The following PSD3 variants were observed in gnomAD, a reference collection of about 807,000 sequenced individuals.
The protein encoded by PSD3 is pleckstrin and Sec7 domain containing 3.
Under a neutral mutation model 105.5 loss-of-function variants are expected in PSD3, and 49 were observed. The ratio of observed to expected loss-of-function variants is 0.46; its 90% CI spans 0.37 to 0.59. PSD3 has a LOEUF of 0.59. Among genes scored for constraint, PSD3 ranks in the 20% least tolerant of loss-of-function variants. The pLI is 0.00. For synonymous variants in PSD3, 557 were observed against 457.8 expected (o/e 1.22, Z -2.77); for missense variants, 1,561 against 1,263.8 (o/e 1.24, Z -3.57).
Position 18,632,645 on chromosome 8 carries a change from C to T in PSD3, c.2378G>A (p.Arg793Gln), listed in dbSNP as rs775463347. Residue 793 changes from arginine to glutamine, a missense_variant, in exon 11 of 16, where the codon CGG becomes CAG. By Grantham distance (43) the Arg-to-Gln change is conservative (BLOSUM62 1). Coordinates refer to ENST00000327040, the MANE Select transcript of PSD3 (RefSeq NM_015310.4). ...TCCATCCATATCTGCATGAATTTTC[C>T]GAGCCAAGAATCCACTTTTGTACAC... ...AAVYKSGFLA[R>Q]KIHADMDGKK... 2.5e-6 allele frequency: 4 copies of T among 1,612,056 alleles called. No homozygotes were observed. Among genetic ancestry groups the T allele is most frequent in the Admixed American group, 1.7e-5 (1 of 59,746 alleles).
intron 4 of PSD3, among the ~76,000 whole-genome samples, chr8:18,817,627 C>G (rs924740126): frequency 2.0e-5 from 3 of 152,136 alleles, no homozygotes; most frequent in African/African-American, 7.2e-5. Context: ...GTAGAAGATG[C>G]CCAAAAGCAG....
At chr8:18,650,185 A>T (rs1158297317) in intron 10 of PSD3, among the ~76,000 whole-genome samples, 1 of 152,182 alleles carries the variant, frequency 6.6e-6, no homozygotes, top group Non-Finnish European at 1.5e-5. Flanking sequence ...ATTTGTGTTA[A>T]TCGTTGTATT....
At chr8:18,845,059 A>C (rs1423723135) in intron 4 of PSD3, among the ~76,000 whole-genome samples, 1 of 152,194 alleles carries the variant, frequency 6.6e-6, no homozygotes, top group African/African-American at 2.4e-5. Context: ...AAAGGGGATA[A>C]AATTTTAACT....
At chr8:19,058,408 T>C (rs930177048) in intron 1 of PSD3, among the ~76,000 whole-genome samples, 1 of 148,528 alleles carries the variant, frequency 6.7e-6, no homozygotes, top group Admixed American at 6.8e-5. Context: ...TATAATATAA[T>C]CTATAATGTA....
At chr8:18,708,274 G>C (rs572675741) in intron 9 of PSD3, among the ~76,000 whole-genome samples, 1 of 152,214 alleles carries the variant, frequency 6.6e-6, no homozygotes, top group Admixed American at 6.5e-5. Context: ...TTAGGGATGA[G>C]AGTAACAGTA....
chr8:18,870,441 T>A (rs763546125), intron 3 of PSD3, among the ~76,000 whole-genome samples: 1 of 151,850 alleles, frequency 6.6e-6, no homozygotes, highest in Non-Finnish European at 1.5e-5. Flanking sequence ...CAAGTTTCAA[T>A]CATAAAGGCC....
intron 9 of PSD3, among the ~76,000 whole-genome samples, chr8:18,729,718 G>A (rs1321643334): frequency 1.3e-5 from 2 of 152,100 alleles, no homozygotes. Flanking sequence ...CACTCTCTCT[G>A]GGCCATGAAT....
At chr8:18,912,464 A>C (rs1415156549) in intron 2 of PSD3, among the ~76,000 whole-genome samples, 1 of 152,216 alleles carries the variant, frequency 6.6e-6, no homozygotes, top group African/African-American at 2.4e-5. Flanking sequence ...TTTCTTTCTA[A>C]GCTTTCAGAA....
At chr8:19,065,909 C>G (rs1029913129) in intron 1 of PSD3, among the ~76,000 whole-genome samples, 4 of 152,118 alleles carry the variant, frequency 2.6e-5, no homozygotes, top group Non-Finnish European at 4.4e-5. Context: ...TTCTGGTGAC[C>G]GCCTCCAATC....
At chr8:18,563,428 G>A (rs560087888) in intron 14 of PSD3, among the ~76,000 whole-genome samples, 1 of 152,206 alleles carries the variant, frequency 6.6e-6, no homozygotes, top group South Asian at 2.1e-4. Context: ...GATTTTCAGG[G>A]TAATCATGTA....
At chr8:18,767,461 C>T (rs2129443929) in intron 8 of PSD3, among the ~76,000 whole-genome samples, 1 of 152,236 alleles carries the variant, frequency 6.6e-6, no homozygotes, top group Non-Finnish European at 1.5e-5. Context: ...TCGTAATATA[C>T]CTGTGACCGG....
At position 18,632,634 on chromosome 8, in the gene PSD3, C is replaced by T. The variant is rs1806982851; in HGVS notation, c.2389G>A (p.Ala797Thr). ...TTACTCTTCTTTCCATCCATATCTG[C>T]ATGAATTTTCCGAGCCAAGAATCCA... ...KSGFLARKIH[A>T]DMDGKKTPRG... The change falls in exon 11 of 16, where the codon GCA (alanine) becomes ACA (threonine). Residue 797 changes from alanine (A) to threonine (T), a missense_variant. Coordinates refer to ENST00000327040, the MANE Select transcript of PSD3 (RefSeq NM_015310.4). 1 of 1,612,100 alleles carries T rather than the reference C, an allele frequency of 6.2e-7. No individual in the cohort carries two copies. The highest frequency in any genetic ancestry group is 8.5e-7 in the Non-Finnish European group (1 of 1,178,848).
chr8:18,535,157 C>G lies in PSD3; in HGVS notation c.*586G>C, dbSNP rs1185933109. On this transcript the variant is annotated 3_prime_UTR_variant, in exon 16 of 16. Coordinates refer to ENST00000327040, the MANE Select transcript of PSD3 (RefSeq NM_015310.4). Reference sequence around the variant, plus strand: ...ACGATCTTCACGCTTCTTTTCCCTGCTTCCAGCAGGGTCCGATCTCAACAA... The same window carrying G: ...ACGATCTTCACGCTTCTTTTCCCTGGTTCCAGCAGGGTCCGATCTCAACAA... 1 of 153,156 alleles carries G rather than the reference C, an allele frequency of 6.5e-6. No individual in the cohort carries two copies. The highest frequency in any genetic ancestry group is 1.5e-5 in the Non-Finnish European group (1 of 68,448). 9.5% of individuals were successfully genotyped at this position (153,156 alleles called of 1,614,324 possible). A position where few individuals can be genotyped will look rare whatever the true frequency, so the allele number is the denominator to read the frequency against.
chr8:18,724,084 A>AATGAAAATACTAAAAAGAAG, intron 9 of PSD3, among the ~76,000 whole-genome samples: 1 of 152,168 alleles, frequency 6.6e-6, no homozygotes, highest in South Asian at 2.1e-4. Flanking sequence ...ACATAAGAAG[A>AATGAAAATACTAAAAAGAAG]ATGAAAATAC....
chr8:18,939,829 T>C (rs560072355), intron 1 of PSD3, among the ~76,000 whole-genome samples: 2 of 152,328 alleles, frequency 1.3e-5, no homozygotes, highest in South Asian at 2.1e-4. Flanking sequence ...AAAATCACTT[T>C]AGTGGATCAT....
intron 1 of PSD3, among the ~76,000 whole-genome samples, chr8:18,949,105 C>G (rs1823040815): frequency 6.7e-6 from 1 of 148,206 alleles, no homozygotes; most frequent in Admixed American, 6.8e-5. Flanking sequence ...CCCTGTAGTC[C>G]CAGCTACTCG....
intron 4 of PSD3, among the ~76,000 whole-genome samples, chr8:18,843,606 C>T (rs1476124249): frequency 6.6e-6 from 1 of 152,176 alleles, no homozygotes; most frequent in Non-Finnish European, 1.5e-5. Flanking sequence ...TCACCTAACA[C>T]CCCTGACCCA....
intron 9 of PSD3, among the ~76,000 whole-genome samples, chr8:18,738,943 A>G (rs970406166): frequency 1.3e-5 from 2 of 152,192 alleles, no homozygotes; most frequent in African/African-American, 4.8e-5. Context: ...TATTTTAAAG[A>G]CAAAAAAATA....
intron 1 of PSD3, among the ~76,000 whole-genome samples, chr8:18,970,345 A>AAAAAAAAAAAAAAAG (rs1563474706): frequency 6.9e-6 from 1 of 145,132 alleles, no homozygotes; most frequent in East Asian, 2.0e-4. Context: ...AAAAAAAAAA[A>AAAAAAAAAAAAAAAG]AAACAAAGAA....
Sources: allele counts gnomAD v4.1 joint callset (sites outside exome capture counted in the v4.1 genomes callset), GRCh38; gene constraint gnomAD v4.1.1; transcripts MANE v1.5; gene names NCBI Gene and HGNC (gene_info 2026-07-23, HGNC 2026-07-21).